Variants in CCL24 observed in about 807,000 individuals in gnomAD.
CCL24 encodes C-C motif chemokine 24.
Under a neutral mutation model 8.6 loss-of-function variants are expected in CCL24, and 6 were observed. The observed-to-expected ratio is 0.70, with a 90% CI of 0.38 to 1.38. The LOEUF is 1.38. Among genes scored for constraint, CCL24 ranks in the 40% most tolerant of loss-of-function variants. CCL24 has a pLI of 0.02. For missense variants in CCL24, 126 were observed against 147.1 expected (o/e 0.86, Z 0.74); for synonymous variants, 59 against 52.7 (o/e 1.12, Z -0.52).
chr7:75,820,223 G>T (rs952235492), intron 1 of CCL24, among the ~76,000 whole-genome samples: 21 of 148,158 alleles, frequency 1.4e-4, no homozygotes, highest in African/African-American at 5.3e-4. Flanking sequence ...ATCTTGCTTT[G>T]TCGTCCAGGC....
chr7:75,817,064 C>T (rs1803908832), upstream of CCL24, among the ~76,000 whole-genome samples: 1 of 151,986 alleles, frequency 6.6e-6, no homozygotes, highest in Non-Finnish European at 1.5e-5. Flanking sequence ...TGGGGTACCC[C>T]TATGTTGCCC....
chr7:75,813,562 GC>G, intron 1 of CCL24, 80 bp downstream of exon 1: 1 of 1,370,502 alleles, frequency 7.3e-7, no homozygotes, highest in Admixed American at 1.7e-5. Flanking sequence ...CTTCCCTCCA[GC>G]CCCAGGCTGG....
At chr7:75,812,056 CAGT>C in intron 2 of CCL24, 92 bp from the exon 3 acceptor site, 1 of 1,036,428 alleles carries the variant, frequency 9.6e-7, no homozygotes, top group Non-Finnish European at 1.4e-6. Flanking sequence ...CGCCCAGAGA[CAGT>C]AAGGCTTCCT....
chr7:75,813,816 T>G, upstream of CCL24: 1 of 852,114 alleles, frequency 1.2e-6, no homozygotes, highest in Non-Finnish European at 2.0e-6. Context: ...TACCCCAAAC[T>G]CCCTCCCTCT....
chr7:75,815,275 G>A (rs1803865590), upstream of CCL24, among the ~76,000 whole-genome samples: 1 of 151,488 alleles, frequency 6.6e-6, no homozygotes, highest in African/African-American at 2.4e-5. Flanking sequence ...GGAGTTTGAG[G>A]CTACAGTGAG....
chr7:75,813,984 G>C (rs1347327981), upstream of CCL24, among the ~76,000 whole-genome samples: 3 of 152,116 alleles, frequency 2.0e-5, no homozygotes, highest in African/African-American at 7.2e-5. Flanking sequence ...AGAACTGGGG[G>C]AGGGGACATC....
chr7:75,821,860 G>A (rs1320885514), intron 1 of CCL24, among the ~76,000 whole-genome samples: 20 of 149,906 alleles, frequency 1.3e-4, no homozygotes, highest in South Asian at 6.3e-4. Flanking sequence ...CCCGGGAGGC[G>A]GAGCTTGCAG....
upstream of CCL24, among the ~76,000 whole-genome samples, chr7:75,818,612 T>TAAAA (rs547441183): frequency 1.6e-5 from 2 of 121,792 alleles, no homozygotes; most frequent in Non-Finnish European, 1.7e-5. Context: ...CCGGACTCTT[T>TAAAA]AAAAAAAAAA....
At position 75,810,891 on chromosome 7, in the gene CCL24, C is replaced by G. The variant is rs1803740213; in HGVS notation, c.*905G>C. ...TGAGAACAGCAACTGTGTCTACACT[C>G]TTGATAAACCCACACAGTATATCAT... On this transcript the variant is annotated 3_prime_UTR_variant, in exon 3 of 3. Transcript: ENST00000222902. 6.6e-6 allele frequency among the ~76,000 whole-genome samples: 1 copy of G among 151,992 alleles called. No homozygotes were observed. The highest frequency in any genetic ancestry group is 1.9e-4 in the East Asian group (1 of 5,186).
upstream of CCL24, among the ~76,000 whole-genome samples, chr7:75,816,493 T>C (rs1803893215): frequency 1.3e-5 from 2 of 152,174 alleles, no homozygotes; most frequent in Admixed American, 6.6e-5. Flanking sequence ...TAGGGAGGAT[T>C]AAGTGAGAAA....
At chr7:75,818,241 A>G (rs546548330), upstream of CCL24, among the ~76,000 whole-genome samples, 1 of 152,214 alleles carries the variant, frequency 6.6e-6, no homozygotes, top group African/African-American at 2.4e-5. Context: ...AGCAGACACC[A>G]TCACAGGGCC....
At chr7:75,815,946 C>A (rs1554534089), upstream of CCL24, among the ~76,000 whole-genome samples, 1 of 152,164 alleles carries the variant, frequency 6.6e-6, no homozygotes, top group Non-Finnish European at 1.5e-5. Context: ...CCATACCCAA[C>A]CCCTCCCTAC....
At chr7:75,813,106 T>C (rs1378625446) in intron 2 of CCL24, among the ~76,000 whole-genome samples, 200 bp downstream of exon 2, 1 of 152,008 alleles carries the variant, frequency 6.6e-6, no homozygotes, top group Non-Finnish European at 1.5e-5. Flanking sequence ...AGACCCTATC[T>C]CCTAAAAAGA....
chr7:75,817,350 G>A (rs1250571029), upstream of CCL24, among the ~76,000 whole-genome samples: 2 of 151,892 alleles, frequency 1.3e-5, no homozygotes, highest in Non-Finnish European at 2.9e-5. Context: ...TGAGGCTGGG[G>A]TAAATAGGGC....
chr7:75,816,316 G>A (rs1158510781), upstream of CCL24, among the ~76,000 whole-genome samples: 1 of 152,126 alleles, frequency 6.6e-6, no homozygotes, highest in Non-Finnish European at 1.5e-5. Flanking sequence ...CCTGATGGAG[G>A]CAAGACTGAA....
chr7:75,820,080 T>TTCTTCTTCC (rs1284967476), intron 1 of CCL24, among the ~76,000 whole-genome samples: 8 of 137,488 alleles, frequency 5.8e-5, no homozygotes, highest in Non-Finnish European at 1.3e-4. Flanking sequence ...CTTCTTCTTC[T>TTCTTCTTCC]TCTTCTTCCT....
chr7:75,813,589 C>G (rs200262991), intron 1 of CCL24, 54 bp downstream of exon 1: 3 of 1,502,570 alleles, frequency 2.0e-6, no homozygotes, highest in Non-Finnish European at 2.8e-6. Flanking sequence ...CCTGCACCCC[C>G]CACTGTGCCA....
intron 1 of CCL24, among the ~76,000 whole-genome samples, chr7:75,821,942 AG>A (rs201903776): frequency 0.012 from 1,834 of 148,428 alleles, 46 homozygotes; most frequent in African/African-American, 0.022. Context: ...AAAAAAAAAA[AG>A]AAAACAAAAT....
At chr7:75,812,714 C>T (rs1186876427) in intron 2 of CCL24, among the ~76,000 whole-genome samples, 2 of 152,070 alleles carry the variant, frequency 1.3e-5, no homozygotes, top group African/African-American at 4.8e-5. Flanking sequence ...CAGATCACTT[C>T]AGGTCAGAAG....
Sources: gnomAD v4.1 joint callset for allele counts (sites outside exome capture counted in the v4.1 genomes callset) on GRCh38, gnomAD v4.1.1 for gene constraint, MANE v1.5 for transcripts, NCBI Gene and HGNC (gene_info 2026-07-23, HGNC 2026-07-21) for gene names.